Variants in HMCN1 observed in about 807,000 individuals in gnomAD.
The protein encoded by HMCN1 is hemicentin-1.
A neutral mutation model predicts 625.9 loss-of-function variants in HMCN1; 321 were observed. That is an observed-to-expected ratio of 0.51 (90% confidence interval 0.47 to 0.56). The LOEUF is 0.56. HMCN1 is among the 20% of genes least tolerant of loss of function. HMCN1 has a pLI of 0.00. For synonymous variants in HMCN1, 2,425 were observed against 2,417.6 expected (o/e 1.00, Z -0.09); for missense variants, 6,588 against 6,887.3 (o/e 0.96, Z 1.54).
chr1:186,070,191 A>G (rs1658395974), intron 51 of HMCN1, among the ~76,000 whole-genome samples: 1 of 152,244 alleles, frequency 6.6e-6, no homozygotes, highest in South Asian at 2.1e-4. Flanking sequence ...AAGCAAAGCT[A>G]ACACTGCCAT....
At position 185,807,656 on chromosome 1, in the gene HMCN1, T is replaced by A. The variant is rs142778445; in HGVS notation, c.269-38370T>A. On this transcript the variant is annotated intron_variant, in intron 1 of 106. Coordinates refer to ENST00000271588, the MANE Select transcript of HMCN1 (RefSeq NM_031935.3). ...TCAAAAACTCCTTTAAAGTAAGCCT[T>A]CCAATGTTATTTATAATTTGTGAGA... Among the ~76,000 whole-genome samples, 8 of 152,344 alleles carry A rather than the reference T, an allele frequency of 5.3e-5. No homozygotes were observed. The East Asian group carries it at 1.3e-3, about 26-fold the overall frequency.
chr1:185,790,932 A>G (rs188232715), intron 1 of HMCN1, among the ~76,000 whole-genome samples: 19 of 152,210 alleles, frequency 1.2e-4, no homozygotes, highest in African/African-American at 4.6e-4. Flanking sequence ...AGCATACTTT[A>G]TTTCCATTAC....
At chr1:186,078,386 G>T (rs773253566) in intron 55 of HMCN1, among the ~76,000 whole-genome samples, 166 bp downstream of exon 55, 2 of 152,162 alleles carry the variant, frequency 1.3e-5, no homozygotes, top group Non-Finnish European at 2.9e-5. Context: ...CAGCACATTA[G>T]TCAGGACTCT....
At chr1:185,972,723 A>G (rs1418048206) in intron 15 of HMCN1, among the ~76,000 whole-genome samples, 1 of 152,092 alleles carries the variant, frequency 6.6e-6, no homozygotes, top group East Asian at 1.9e-4. Flanking sequence ...TTTGTAGCTC[A>G]CAATGTTAGG....
At chr1:185,976,248 A>C (rs1310662209) in intron 15 of HMCN1, among the ~76,000 whole-genome samples, 2 of 152,146 alleles carry the variant, frequency 1.3e-5, no homozygotes, top group African/African-American at 4.8e-5. Context: ...GCCAGAGATC[A>C]ATAACAGACA....
intron 11 of HMCN1, among the ~76,000 whole-genome samples, chr1:185,961,583 A>G (rs1650027229): frequency 6.6e-6 from 1 of 152,250 alleles, no homozygotes; most frequent in Non-Finnish European, 1.5e-5. Context: ...TATTTACATT[A>G]GGAGCTACTT....
chr1:185,927,155 T>G (rs905219673), intron 9 of HMCN1, among the ~76,000 whole-genome samples: 1 of 152,160 alleles, frequency 6.6e-6, no homozygotes, highest in African/African-American at 2.4e-5. Flanking sequence ...TTTCCATCAA[T>G]CTGTTTTTGA....
At chr1:186,036,042 CATT>C (rs1296472344) in intron 36 of HMCN1, among the ~76,000 whole-genome samples, 5 of 152,010 alleles carry the variant, frequency 3.3e-5, no homozygotes, top group Admixed American at 1.3e-4. Flanking sequence ...AAGGTATTGT[CATT>C]ATAAAATATT....
chr1:186,000,402 T>C (rs1378758190), intron 26 of HMCN1, among the ~76,000 whole-genome samples, 163 bp downstream of exon 26: 5 of 152,116 alleles, frequency 3.3e-5, no homozygotes, highest in South Asian at 2.1e-4. Flanking sequence ...ATTTAAACTT[T>C]CATGTAATTT....
chr1:185,988,875 T>C (rs190473758), intron 20 of HMCN1, among the ~76,000 whole-genome samples: 140 of 152,276 alleles, frequency 9.2e-4, no homozygotes, highest in African/African-American at 3.1e-3. Context: ...TCAGGTAAAG[T>C]GCTCGAAACA....
In HMCN1 at chr1:186,147,296, G is replaced by T. The variant is rs139069913; in HGVS notation, c.14608+1373G>T. Among the ~76,000 whole-genome samples the T allele has an allele frequency of 4.2e-3, 632 of 151,762 alleles. 2 individuals carry two copies. The highest frequency in any genetic ancestry group is 7.7e-3 in the Non-Finnish European group (521 of 67,988). Reference sequence around the variant, plus strand: ...CTTCTCAAACTTCCCTAAATAGTAGGTAGTAGTGCATTCCAACCTTACATT... The same window carrying T: ...CTTCTCAAACTTCCCTAAATAGTAGTTAGTAGTGCATTCCAACCTTACATT... On this transcript the variant is annotated intron_variant, in intron 93 of 106. Transcript: ENST00000271588.
chr1:186,148,439 G>A (rs1331818739), intron 93 of HMCN1, among the ~76,000 whole-genome samples: 1 of 152,070 alleles, frequency 6.6e-6, no homozygotes, highest in African/African-American at 2.4e-5. Flanking sequence ...TTCCCAGAAG[G>A]TTTTCAATTT....
At chr1:185,942,257 T>C (rs1172689978) in intron 11 of HMCN1, among the ~76,000 whole-genome samples, 2 of 150,734 alleles carry the variant, frequency 1.3e-5, no homozygotes, top group African/African-American at 4.9e-5. Flanking sequence ...AATTCAAGTA[T>C]GTAAGAAAAT....
At chr1:185,750,558 A>G (rs2102092398) in intron 1 of HMCN1, among the ~76,000 whole-genome samples, 1 of 152,254 alleles carries the variant, frequency 6.6e-6, no homozygotes, top group East Asian at 1.9e-4. Flanking sequence ...ATCTTTAAAT[A>G]TATGGCCATT....
intron 1 of HMCN1, among the ~76,000 whole-genome samples, chr1:185,755,196 C>T (rs1057072481): frequency 6.6e-6 from 1 of 152,168 alleles, no homozygotes; most frequent in African/African-American, 2.4e-5. Context: ...TGTTTTTCTC[C>T]TTGTACTTTG....
At chr1:185,752,934 A>G (rs1007959929) in intron 1 of HMCN1, among the ~76,000 whole-genome samples, 3 of 152,140 alleles carry the variant, frequency 2.0e-5, no homozygotes, top group Admixed American at 1.3e-4. Context: ...AAAATTCCCA[A>G]ATCAATGTTA....
At position 186,189,746 on chromosome 1, in the gene HMCN1, T is replaced by C; in HGVS notation, c.16776T>C (p.Tyr5592=). 2 of 1,613,692 alleles carry C rather than the reference T, an allele frequency of 1.2e-6. No individual in the cohort carries two copies. The highest frequency in any genetic ancestry group is 1.7e-6 in the Non-Finnish European group (2 of 1,179,826). ...LRDENLKGVV[Y]TTRPLREAET... is the part of the protein sequence containing the mutation. ...ATGAAAACCTGAAAGGAGTGGTGTA[T>C]ACAACACGACCACTACGAGAAGCAG... The change falls in exon 107 of 107, where the codon TAT becomes TAC. Residue 5592 remains tyrosine (Y), a synonymous_variant. Coordinates refer to ENST00000271588, the MANE Select transcript of HMCN1 (RefSeq NM_031935.3).
chr1:185,787,760 T>G (rs143366613), intron 1 of HMCN1, among the ~76,000 whole-genome samples: 1 of 152,324 alleles, frequency 6.6e-6, no homozygotes, highest in Non-Finnish European at 1.5e-5. Context: ...GTTGTGTAAT[T>G]CTATGAGGCA....
Position 186,190,734 on chromosome 1 carries a change from A to G in HMCN1, c.*856A>G, listed in dbSNP as rs1653675859. On this transcript the variant is annotated 3_prime_UTR_variant, in exon 107 of 107. Transcript: ENST00000271588. ...TTTTTTAAAAATCTCATGTGTTCAA[A>G]TTAACATAAATATTACACGTCAATA... 1 of 196,626 alleles carries G rather than the reference A, an allele frequency of 5.1e-6. No individual in the cohort carries two copies. The highest frequency in any genetic ancestry group is 1.9e-4 in the South Asian group (1 of 5,244). 12.2% of individuals were successfully genotyped at this position (196,626 alleles called of 1,614,324 possible).
Sources: allele counts gnomAD v4.1 joint callset (sites outside exome capture counted in the v4.1 genomes callset), GRCh38; gene constraint gnomAD v4.1.1; transcripts MANE v1.5; gene names NCBI Gene and HGNC (gene_info 2026-07-23, HGNC 2026-07-21).